Variants in GALNT13 observed in about 807,000 individuals in gnomAD.
GALNT13 encodes UDP-GalNAc:polypeptide N-acetylgalactosaminyltransferase 13.
GALNT13 carries 28 observed loss-of-function variants against 64.2 expected under a neutral mutation model. That is an observed-to-expected ratio of 0.44 (90% CI 0.32 to 0.60). GALNT13 has a LOEUF of 0.60. Ranked by LOEUF, GALNT13 falls within the 20% of genes least tolerant of loss-of-function variation. GALNT13 has a pLI of 0.05. For synonymous variants in GALNT13, 214 were observed against 224.6 expected, an observed-to-expected ratio of 0.95 and a Z score of 0.42; for missense variants, 577 against 669.8, an observed-to-expected ratio of 0.86 and a Z score of 1.53.
chr2:153,771,041 G>A, the GALNT13 span, among the ~76,000 whole-genome samples: 6 of 152,188 alleles, frequency 3.9e-5, no homozygotes, highest in Admixed American at 3.9e-4. Flanking sequence ...CAAGCGGAAA[G>A]AACACCACTG....
At chr2:153,292,733 T>G in the GALNT13 span, among the ~76,000 whole-genome samples, 7 of 152,238 alleles carry the variant, frequency 4.6e-5, no homozygotes, top group Non-Finnish European at 1.0e-4. Flanking sequence ...GCTTGGGCAG[T>G]TCATAACAAG....
At chr2:153,715,938 A>G in the GALNT13 span, among the ~76,000 whole-genome samples, 1 of 151,936 alleles carries the variant, frequency 6.6e-6, no homozygotes, top group African/African-American at 2.4e-5. Context: ...GAAGAGGGCC[A>G]GGACACAGTT....
intron 6 of GALNT13, among the ~76,000 whole-genome samples, chr2:154,243,213 CT>C (rs1366637187): frequency 6.6e-6 from 1 of 151,970 alleles, no homozygotes; most frequent in African/African-American, 2.4e-5. Flanking sequence ...TTCAAAGCAC[CT>C]TTTTGTGTTC....
At chr2:154,265,059 G>A (rs1690916505) in intron 8 of GALNT13, among the ~76,000 whole-genome samples, 1 of 151,378 alleles carries the variant, frequency 6.6e-6, no homozygotes. Flanking sequence ...AGCCAAATAT[G>A]GGAAAAATAG....
the GALNT13 span, among the ~76,000 whole-genome samples, chr2:153,820,797 C>G: frequency 1.3e-5 from 2 of 152,076 alleles, no homozygotes; most frequent in African/African-American, 2.4e-5. Context: ...TATAAAACAT[C>G]TACACAATCA....
the GALNT13 span, among the ~76,000 whole-genome samples, chr2:153,347,861 A>G: frequency 6.6e-6 from 1 of 152,204 alleles, no homozygotes; most frequent in Admixed American, 6.5e-5. Context: ...TTTTGCCTGC[A>G]TATTATTATC....
intron 8 of GALNT13, among the ~76,000 whole-genome samples, chr2:154,293,380 A>G (rs1692749871): frequency 6.6e-6 from 1 of 152,182 alleles, no homozygotes; most frequent in African/African-American, 2.4e-5. Context: ...TTAAAGAAAC[A>G]CAACATTTTT....
the GALNT13 span, among the ~76,000 whole-genome samples, chr2:153,804,534 A>T: frequency 2.6e-4 from 39 of 152,154 alleles, no homozygotes; most frequent in African/African-American, 9.4e-4. Flanking sequence ...TAGTGAAAAC[A>T]TTATATCTGA....
chr2:154,154,934 TTG>T (rs60456139), intron 4 of GALNT13, among the ~76,000 whole-genome samples: 46,893 of 149,178 alleles, frequency 0.31, 7,755 homozygotes, highest in Non-Finnish European at 0.37. Context: ...TTGTTTATGT[TTG>T]TGTGTGTGTG....
chr2:153,189,870 A>T, the GALNT13 span, among the ~76,000 whole-genome samples: 1 of 151,992 alleles, frequency 6.6e-6, no homozygotes, highest in African/African-American at 2.4e-5. Context: ...TGAACATTTG[A>T]TTCATATATC....
At chr2:154,079,377 T>C (rs1477800329) in intron 3 of GALNT13, among the ~76,000 whole-genome samples, 2 of 151,640 alleles carry the variant, frequency 1.3e-5, no homozygotes, top group African/African-American at 4.8e-5. Flanking sequence ...ACAGGATATA[T>C]TATGCAAGTA....
At chr2:154,129,169 TA>T (rs1314852629) in intron 3 of GALNT13, among the ~76,000 whole-genome samples, 2 of 152,192 alleles carry the variant, frequency 1.3e-5, no homozygotes, top group Non-Finnish European at 2.9e-5. Context: ...CATCCTAAAC[TA>T]CCTTTTATGG....
chr2:154,009,737 G>A (rs1004083209), intron 3 of GALNT13, among the ~76,000 whole-genome samples: 15 of 152,076 alleles, frequency 9.9e-5, no homozygotes, highest in Non-Finnish European at 1.8e-4. Context: ...TGATCCACCC[G>A]CCTCGGCCTC....
the GALNT13 span, among the ~76,000 whole-genome samples, chr2:153,397,476 C>T: frequency 4.6e-5 from 7 of 151,978 alleles, no homozygotes; most frequent in Admixed American, 2.6e-4. Context: ...CCACAACGTA[C>T]GATCTGATAT....
chr2:154,124,152 A>G (rs1682120070), intron 3 of GALNT13, among the ~76,000 whole-genome samples: 1 of 152,032 alleles, frequency 6.6e-6, no homozygotes, highest in South Asian at 2.1e-4. Context: ...AATAGAATCT[A>G]CATCATTATA....
At chr2:153,270,558 G>T in the GALNT13 span, among the ~76,000 whole-genome samples, 1 of 152,138 alleles carries the variant, frequency 6.6e-6, no homozygotes, top group East Asian at 1.9e-4. Context: ...TGCAGTTTAA[G>T]CTGTAAAAAC....
At chr2:154,280,030 G>A (rs1160661668) in intron 8 of GALNT13, among the ~76,000 whole-genome samples, 1 of 152,010 alleles carries the variant, frequency 6.6e-6, no homozygotes, top group Non-Finnish European at 1.5e-5. Flanking sequence ...CCTAGGGAAA[G>A]TACTTATTTG....
intron 9 of GALNT13, among the ~76,000 whole-genome samples, chr2:154,351,125 C>A (rs933825610): frequency 2.0e-5 from 3 of 152,046 alleles, no homozygotes; most frequent in Non-Finnish European, 2.9e-5. Context: ...CATCAGGAAG[C>A]ACTTGAGGAG....
chr2:153,453,661 G>A, the GALNT13 span, among the ~76,000 whole-genome samples: 1 of 152,220 alleles, frequency 6.6e-6, no homozygotes, highest in South Asian at 2.1e-4. Flanking sequence ...GTTTTACACT[G>A]TTGGAGGGAA....
Sources: gnomAD v4.1 joint callset for allele counts (sites outside exome capture counted in the v4.1 genomes callset) on GRCh38, gnomAD v4.1.1 for gene constraint, MANE v1.5 for transcripts, NCBI Gene and HGNC (gene_info 2026-07-23, HGNC 2026-07-21) for gene names.